PRDX4: variants seen among roughly 807,000 people sequenced by gnomAD.
PRDX4 encodes peroxiredoxin-4.
A neutral mutation model predicts 20.5 loss-of-function variants in PRDX4; 12 were observed. The ratio of observed to expected loss-of-function variants is 0.58; its 90% CI spans 0.37 to 0.95. PRDX4 has a LOEUF of 0.95. PRDX4 is among the 40% of genes least tolerant of loss of function. The pLI, the probability that PRDX4 is intolerant of heterozygous loss-of-function variation, is 0.01. For synonymous variants in PRDX4, 99 were observed against 87.5 expected, an observed-to-expected ratio of 1.13 and a Z score of -0.73; for missense variants, 180 against 207.3, an observed-to-expected ratio of 0.87 and a Z score of 0.81.
intron 1 of PRDX4, among the ~76,000 whole-genome samples, chrX:23,668,955 TCACCCAGG>T (rs1448459005): frequency 3.6e-5 from 4 of 109,635 alleles, no homozygotes; most frequent in African/African-American, 1.3e-4. Flanking sequence ...TCTTGCTCTG[TCACCCAGG>T]CACCCAGGCT....
chrX:23,672,003 C>A (rs1927854449), intron 2 of PRDX4, among the ~76,000 whole-genome samples: 2 of 112,366 alleles, frequency 1.8e-5, no homozygotes, highest in Non-Finnish European at 3.8e-5. Flanking sequence ...AAAATTAATT[C>A]TGTAATCCCA....
intron 5 of PRDX4, 109 bp downstream of exon 5, chrX:23,682,635 C>A: frequency 3.2e-6 from 2 of 633,445 alleles, no homozygotes; most frequent in Non-Finnish European, 4.3e-6. Flanking sequence ...TGATTATTTA[C>A]AAATTATTAG....
chrX:23,667,510 T>C lies in PRDX4; in HGVS notation c.-61T>C. On this transcript the variant is annotated 5_prime_UTR_variant, in exon 1 of 7. Coordinates refer to ENST00000379341, the MANE Select transcript of PRDX4 (RefSeq NM_006406.2). ...CGGGCGTCGTGCACGCGGTTGTAGCTGCCCGGCGGCGGCAGAAGCGGCGCT... is the reference window on the plus strand; with the variant it reads ...CGGGCGTCGTGCACGCGGTTGTAGCCGCCCGGCGGCGGCAGAAGCGGCGCT... The C allele has an allele frequency of 1.8e-6, 2 of 1,124,130 alleles. No homozygotes were observed. Among genetic ancestry groups the C allele is most frequent in the African/African-American group, 3.6e-5 (2 of 55,457 alleles). 92.6% of individuals were successfully genotyped at this position (1,124,130 alleles called of 1,213,427 possible). A position where few individuals can be genotyped will look rare whatever the true frequency, so the allele number is the denominator to read the frequency against.
In PRDX4 at chrX:23,682,387, G is replaced by A; in HGVS notation, c.600-9G>A. Reference sequence around the variant, plus strand: ...ATGACCTCATCTCTACCATTCTTCTGTTTTACAGAGGTCTCTTCATTATTG... The same window carrying A: ...ATGACCTCATCTCTACCATTCTTCTATTTTACAGAGGTCTCTTCATTATTG... On this transcript the variant is annotated splice_polypyrimidine_tract_variant and intron_variant, in intron 4 of 6. Coordinates refer to ENST00000379341, the MANE Select transcript of PRDX4 (RefSeq NM_006406.2). The A allele has an allele frequency of 8.8e-7, 1 of 1,133,343 alleles. No individual in the cohort carries two copies. Among genetic ancestry groups the A allele is most frequent in the Admixed American group, 2.5e-5 (1 of 40,441 alleles). The allele number at this position is 1,133,343 out of a possible 1,213,427, so 93.4% of individuals were successfully genotyped here.
chrX:23,679,249 C>T lies in PRDX4; in HGVS notation c.561C>T (p.Asp187=). 1 of 1,207,790 alleles carries T rather than the reference C, an allele frequency of 8.3e-7. No individual in the cohort carries two copies. The highest frequency in any genetic ancestry group is 1.1e-6 in the Non-Finnish European group (1 of 892,103). Residue 187 remains aspartate, a synonymous_variant, in exon 4 of 7, where the codon GAC becomes GAT. Transcript: ENST00000379341. Reference sequence around the variant, plus strand: ...ATTTGACCCATCAGATCTCAAAGGACTATGGTGTATACCTAGAGGACTCAG... The same window carrying T: ...ATTTGACCCATCAGATCTCAAAGGATTATGGTGTATACCTAGAGGACTCAG... ...LSDLTHQISK[D]YGVYLEDSGH... is the part of the protein sequence containing the mutation.
intron 3 of PRDX4, among the ~76,000 whole-genome samples, chrX:23,677,912 A>G (rs1927980385): frequency 8.9e-6 from 1 of 112,231 alleles, no homozygotes; most frequent in Non-Finnish European, 1.9e-5. Context: ...TCAACTTTAC[A>G]GTGGGTTTAT....
chrX:23,682,853 A>ATATAT (rs1398017836), intron 5 of PRDX4, among the ~76,000 whole-genome samples: 4 of 14,878 alleles, frequency 2.7e-4, no homozygotes, highest in East Asian at 5.6e-3. Context: ...AAAAAAAAAA[A>ATATAT]ATATATATAT....
intron 4 of PRDX4, among the ~76,000 whole-genome samples, chrX:23,681,942 G>A (rs1426373552): frequency 8.9e-6 from 1 of 111,812 alleles, no homozygotes; most frequent in Non-Finnish European, 1.9e-5. Context: ...TCAGTAGGCT[G>A]TGGCGAGAGG....
At chrX:23,686,181 C>CA in intron 6 of PRDX4, 104 bp from the exon 7 acceptor site, 1 of 562,949 alleles carries the variant, frequency 1.8e-6, no homozygotes. Flanking sequence ...ATCTGATATA[C>CA]AAAAATAATT....
chrX:23,678,944 CAT>C (rs896400715), intron 3 of PRDX4, among the ~76,000 whole-genome samples: 1 of 111,107 alleles, frequency 9.0e-6, no homozygotes, highest in Non-Finnish European at 1.9e-5. Flanking sequence ...GTCTCAAAAA[CAT>C]AAAATAAAAA....
chrX:23,674,464 G>T (rs750365846), intron 2 of PRDX4, among the ~76,000 whole-genome samples: 1 of 110,126 alleles, frequency 9.1e-6, no homozygotes, highest in African/African-American at 3.3e-5. Context: ...AAAATCCCTG[G>T]CTGCACAGGA....
At chrX:23,669,799 C>G (rs763657793) in intron 1 of PRDX4, among the ~76,000 whole-genome samples, 1 of 110,195 alleles carries the variant, frequency 9.1e-6, no homozygotes, top group Non-Finnish European at 1.9e-5. Flanking sequence ...TACCTGTAAT[C>G]CCAGCTACTG....
At chrX:23,671,179 T>G (rs935767314) in intron 1 of PRDX4, among the ~76,000 whole-genome samples, 3 of 112,282 alleles carry the variant, frequency 2.7e-5, no homozygotes, top group African/African-American at 9.7e-5. Flanking sequence ...CTACATATGG[T>G]TATCGCAGGT....
At chrX:23,679,038 GC>G (rs1928006836) in intron 3 of PRDX4, 126 bp from the exon 4 acceptor site, 2 of 683,329 alleles carry the variant, frequency 2.9e-6, no homozygotes, top group Non-Finnish European at 4.4e-6. Flanking sequence ...AAGTATATTA[GC>G]CTGTTTTTGT....
chrX:23,682,630 A>G (rs1601793408), intron 5 of PRDX4, 104 bp downstream of exon 5: 1 of 667,859 alleles, frequency 1.5e-6, no homozygotes, highest in African/African-American at 2.4e-5. Flanking sequence ...TTTTCTGATT[A>G]TTTACAAATT....
Position 23,683,711 on chromosome X carries a change from T to A in PRDX4, c.765+6T>A. 1 of 1,190,560 alleles carries A rather than the reference T, an allele frequency of 8.4e-7. No homozygotes were observed. Among genetic ancestry groups the A allele is most frequent in the East Asian group, 3.0e-5 (1 of 33,294 alleles). Reference sequence around the variant, plus strand: ...GGAAACCTGGTAGTGAAACAGTAAGTATATATATATGTTTTTATGTTGAGT... The same window carrying A: ...GGAAACCTGGTAGTGAAACAGTAAGAATATATATATGTTTTTATGTTGAGT... On this transcript the variant is annotated splice_donor_region_variant and intron_variant, in intron 6 of 6. Coordinates refer to ENST00000379341, the MANE Select transcript of PRDX4 (RefSeq NM_006406.2).
At chrX:23,667,904 C>G (rs1422871379) in intron 1 of PRDX4, 93 bp downstream of exon 1, 1 of 1,137,300 alleles carries the variant, frequency 8.8e-7, no homozygotes. Context: ...GGCGGCACCC[C>G]CTGGGCTGCC....
chrX:23,675,371 T>C, intron 3 of PRDX4: 1 of 463,978 alleles, frequency 2.2e-6, no homozygotes, highest in Non-Finnish European at 3.3e-6. Context: ...GCAATAGATG[T>C]GATTTCTATA....
At chrX:23,675,402 T>C (rs1411071665) in intron 3 of PRDX4, 4 of 335,323 alleles carry the variant, frequency 1.2e-5, no homozygotes, top group African/African-American at 1.0e-4. Context: ...CTGAATTATA[T>C]GCTTATGATA....
Sources: allele counts gnomAD v4.1 joint callset (sites outside exome capture counted in the v4.1 genomes callset), GRCh38; gene constraint gnomAD v4.1.1; transcripts MANE v1.5; gene names NCBI Gene and HGNC (gene_info 2026-07-23, HGNC 2026-07-21).